The following STX6 variants were observed in gnomAD, a reference collection of about 807,000 sequenced individuals.
STX6 encodes syntaxin 6.
STX6 carries 23 observed loss-of-function variants against 38.0 expected under a neutral mutation model. That is an observed-to-expected ratio of 0.60 (90% CI 0.43 to 0.86). The LOEUF (loss-of-function observed/expected upper bound fraction) is 0.86, where lower values mean the gene tolerates loss of function less well. Ranked by LOEUF, STX6 falls within the 40% of genes least tolerant of loss-of-function variation. The probability of loss-of-function intolerance (pLI) is 0.00; values close to 1 mark genes in which losing one functional copy is unlikely to be tolerated. For missense variants in STX6, 274 were observed against 312.9 expected, an observed-to-expected ratio of 0.88 and a Z score of 0.94; for synonymous variants, 123 against 107.5, an observed-to-expected ratio of 1.14 and a Z score of -0.89.
intron 1 of STX6, among the ~76,000 whole-genome samples, chr1:181,007,325 GA>G (rs1299722629): frequency 2.0e-5 from 3 of 151,226 alleles, no homozygotes; most frequent in South Asian, 2.1e-4. Flanking sequence ...TAGGGAACAA[GA>G]AAAAAAAGTC....
At chr1:181,013,207 G>C (rs1367370589) in intron 1 of STX6, among the ~76,000 whole-genome samples, 2 of 151,538 alleles carry the variant, frequency 1.3e-5, no homozygotes, top group Non-Finnish European at 2.9e-5. Context: ...AACCAAGTTT[G>C]CCAAGTAAAA....
intron 6 of STX6, among the ~76,000 whole-genome samples, chr1:180,986,590 T>C (rs575207931): frequency 3.9e-4 from 59 of 152,262 alleles, no homozygotes; most frequent in African/African-American, 1.3e-3. Context: ...GTCACCCAGG[T>C]TGGAGTACAG....
At chr1:180,989,882 C>T in intron 5 of STX6, 102 bp downstream of exon 5, 5 of 1,391,824 alleles carry the variant, frequency 3.6e-6, no homozygotes, top group Middle Eastern at 5.2e-4. Context: ...CTCTGGCTTA[C>T]CCTCCTTGTC....
At chr1:180,979,087 T>C (rs1655333735) in intron 7 of STX6, among the ~76,000 whole-genome samples, 1 of 152,002 alleles carries the variant, frequency 6.6e-6, no homozygotes, top group African/African-American at 2.4e-5. Context: ...ACATGGATAA[T>C]GTAGGCAGAG....
rs189290427 is a variant in STX6 at position 180,977,695 on chromosome 1, T to C, written c.692-1049A>G. On this transcript the variant is annotated intron_variant, in intron 7 of 7. Coordinates refer to ENST00000258301, the MANE Select transcript of STX6 (RefSeq NM_005819.6). ...ATTTAAATAGAAATATAAAGACATATTGATTCACTAAAGTTTCTTTGAAAG... is the reference window on the plus strand; with the variant it reads ...ATTTAAATAGAAATATAAAGACATACTGATTCACTAAAGTTTCTTTGAAAG... Among the ~76,000 whole-genome samples, 797 of 152,318 alleles carry C rather than the reference T, an allele frequency of 5.2e-3. 4 individuals carry two copies. The highest frequency in any genetic ancestry group is 0.014 in the Middle Eastern group (4 of 294).
intron 4 of STX6, 49 bp from the exon 5 acceptor site, chr1:180,990,158 A>G (rs1655714055): frequency 1.9e-6 from 3 of 1,608,440 alleles, no homozygotes; most frequent in South Asian, 1.1e-5. Context: ...AACAATTACT[A>G]TCTCTGAACA....
At position 180,984,089 on chromosome 1, in the gene STX6, A is replaced by AAAAAC. The variant is rs141306282; in HGVS notation, c.691+587_691+588insGTTTT. Among the ~76,000 whole-genome samples, 50 of 97,014 alleles carry AAAAAC rather than the reference A, an allele frequency of 5.2e-4. 6 individuals carry two copies. Among genetic ancestry groups the AAAAAC allele is most frequent in the African/African-American group, 1.0e-3 (32 of 31,524 alleles). The allele number at this position is 97,014 out of a possible 152,430, so 63.6% of individuals were successfully genotyped here. On this transcript the variant is annotated intron_variant, in intron 7 of 7. Coordinates refer to ENST00000258301, the MANE Select transcript of STX6 (RefSeq NM_005819.6). Reference sequence around the variant, plus strand: ...AAAAAAAAAAAAAAAAAAAAAAAAAAACACAACGAAAGTGACTCTACTGGG... The same window carrying AAAAAC: ...AAAAAAAAAAAAAAAAAAAAAAAAAAAAAACACACAACGAAAGTGACTCTACTGGG...
intron 6 of STX6, 80 bp from the exon 7 acceptor site, chr1:180,984,851 G>C (rs891689686): frequency 1.7e-6 from 1 of 578,022 alleles, no homozygotes; most frequent in African/African-American, 1.9e-5. Flanking sequence ...AAAGGACCAG[G>C]CCTCCATTTT....
At chr1:181,003,974 A>G (rs548252731) in intron 2 of STX6, among the ~76,000 whole-genome samples, 2 of 152,332 alleles carry the variant, frequency 1.3e-5, no homozygotes, top group East Asian at 1.9e-4. Context: ...ACAGTCTACA[A>G]AAAGATTTTT....
At chr1:180,998,068 G>T (rs1655963829) in intron 3 of STX6, among the ~76,000 whole-genome samples, 1 of 152,102 alleles carries the variant, frequency 6.6e-6, no homozygotes, top group African/African-American at 2.4e-5. Flanking sequence ...GCCCTGCATT[G>T]GGAGGAAAAT....
chr1:180,998,247 T>C (rs1231940412), intron 3 of STX6, among the ~76,000 whole-genome samples: 1 of 152,228 alleles, frequency 6.6e-6, no homozygotes, highest in Non-Finnish European at 1.5e-5. Context: ...ATAAAAACCA[T>C]GTGGGGTTAT....
chr1:180,995,639 T>C (rs1369769101), intron 3 of STX6, among the ~76,000 whole-genome samples: 3 of 152,218 alleles, frequency 2.0e-5, no homozygotes. Flanking sequence ...TCGGAACGCT[T>C]GAGGCCAGGA....
At chr1:180,995,873 C>T (rs1478662538) in intron 3 of STX6, among the ~76,000 whole-genome samples, 1 of 152,086 alleles carries the variant, frequency 6.6e-6, no homozygotes, top group African/African-American at 2.4e-5. Context: ...GGGGTAGAGA[C>T]ATTGGCTAAA....
Position 180,990,110 on chromosome 1 carries a change from C to T in STX6, c.364-1G>A, listed in dbSNP as rs1436706654. 1 of 1,614,052 alleles carries T rather than the reference C, an allele frequency of 6.2e-7. No individual in the cohort carries two copies. Among genetic ancestry groups the T allele is most frequent in the South Asian group, 1.1e-5 (1 of 91,072 alleles). On this transcript the variant is annotated splice_acceptor_variant, in intron 4 of 7. Coordinates refer to ENST00000258301, the MANE Select transcript of STX6 (RefSeq NM_005819.6). LOFTEE classifies it high-confidence loss of function. Reference sequence around the variant, plus strand: ...GGCTGCCACTGTCTCCCAGCAGTGCCTGTGTGAGAAGAACAACCAGAGGAG... The same window carrying T: ...GGCTGCCACTGTCTCCCAGCAGTGCTTGTGTGAGAAGAACAACCAGAGGAG...
At chr1:180,977,037 T>C (rs912440317) in intron 7 of STX6, among the ~76,000 whole-genome samples, 1 of 152,200 alleles carries the variant, frequency 6.6e-6, no homozygotes, top group Non-Finnish European at 1.5e-5. Context: ...AATTAAACAA[T>C]AATCACATTC....
chr1:181,013,324 T>C (rs1656464149), intron 1 of STX6, among the ~76,000 whole-genome samples: 1 of 152,186 alleles, frequency 6.6e-6, no homozygotes, highest in African/African-American at 2.4e-5. Context: ...CATCATCCTT[T>C]TTCCTGTTGT....
intron 6 of STX6, 30 bp from the exon 7 acceptor site, chr1:180,984,801 G>C (rs773516518): frequency 8.9e-7 from 1 of 1,121,196 alleles, no homozygotes; most frequent in South Asian, 1.3e-5. Context: ...GAAGGTCGCT[G>C]GTAAGCACAA....
chr1:181,022,783 G>A lies in STX6; in HGVS notation c.-110C>T. ...CCCGCAGCTGCCCGCGCCTTAGTCT[G>A]GGTGAAGCCGAGCAGCGGGCACGCG... On this transcript the variant is annotated 5_prime_UTR_variant, in exon 1 of 8. Coordinates refer to ENST00000258301, the MANE Select transcript of STX6 (RefSeq NM_005819.6). 8.7e-7 allele frequency: 1 copy of A among 1,152,234 alleles called. No individual in the cohort carries two copies. Among genetic ancestry groups the A allele is most frequent in the East Asian group, 2.6e-5 (1 of 38,932 alleles). The allele number at this position is 1,152,234 out of a possible 1,614,324, so 71.4% of individuals were successfully genotyped here.
chr1:180,987,964 A>G (rs1404680348), intron 6 of STX6: 3 of 277,490 alleles, frequency 1.1e-5, no homozygotes, highest in South Asian at 4.4e-5. Flanking sequence ...ATTCCCATTC[A>G]TAACTATACT....
Sources: gnomAD v4.1 joint callset for allele counts (sites outside exome capture counted in the v4.1 genomes callset) on GRCh38, gnomAD v4.1.1 for gene constraint, MANE v1.5 for transcripts, NCBI Gene and HGNC (gene_info 2026-07-23, HGNC 2026-07-21) for gene names.